NDC1: variants seen among roughly 807,000 people sequenced by gnomAD.
The protein encoded by NDC1 is NDC1 transmembrane nucleoporin.
Under a neutral mutation model 89.8 loss-of-function variants are expected in NDC1, and 24 were observed. The ratio of observed to expected loss-of-function variants is 0.27; its 90% confidence interval spans 0.19 to 0.38. The LOEUF (loss-of-function observed/expected upper bound fraction) is 0.38, where lower values mean the gene tolerates loss of function less well. NDC1 is among the 10% of genes least tolerant of loss of function. NDC1 has a pLI of 1.00. For synonymous variants in NDC1, 296 were observed against 284.8 expected, an observed-to-expected ratio of 1.04 and a Z score of -0.39; for missense variants, 728 against 797.6, an observed-to-expected ratio of 0.91 and a Z score of 1.05.
chr1:53,773,108 A>T (rs1385259102), intron 16 of NDC1, among the ~76,000 whole-genome samples: 4 of 152,080 alleles, frequency 2.6e-5, no homozygotes, highest in Admixed American at 1.3e-4. Context: ...AAAAAAAAAA[A>T]AAGACCAAAA....
intron 2 of NDC1, 149 bp from the exon 3 acceptor site, chr1:53,832,740 G>A (rs1294831105): frequency 7.2e-6 from 4 of 557,686 alleles, no homozygotes; most frequent in African/African-American, 3.8e-5. Flanking sequence ...ACCACTGACA[G>A]GTTCAATGAG....
At chr1:53,838,031 C>A (rs973048786) in intron 1 of NDC1, among the ~76,000 whole-genome samples, 174 bp downstream of exon 1, 6 of 152,248 alleles carry the variant, frequency 3.9e-5, no homozygotes, top group African/African-American at 1.4e-4. Flanking sequence ...TAACCAACTT[C>A]CACTCAGGAC....
chr1:53,776,882 T>C (rs764697132), intron 16 of NDC1, among the ~76,000 whole-genome samples: 1 of 152,170 alleles, frequency 6.6e-6, no homozygotes, highest in African/African-American at 2.4e-5. Flanking sequence ...CAAGAATAAC[T>C]AATGAGTAAT....
chr1:53,827,591 CA>C, intron 4 of NDC1, among the ~76,000 whole-genome samples: 1 of 152,284 alleles, frequency 6.6e-6, no homozygotes, highest in African/African-American at 2.4e-5. Context: ...TCATTCTTTC[CA>C]TACTACCCTT....
chr1:53,770,641 G>A (rs1284477069), intron 17 of NDC1, among the ~76,000 whole-genome samples: 1 of 151,354 alleles, frequency 6.6e-6, no homozygotes, highest in East Asian at 1.9e-4. Context: ...TTTTTAATCA[G>A]TCATCTATAT....
At chr1:53,789,548 G>A (rs1381883231) in intron 14 of NDC1, among the ~76,000 whole-genome samples, 1 of 152,196 alleles carries the variant, frequency 6.6e-6, no homozygotes, top group African/African-American at 2.4e-5. Flanking sequence ...GGGTGCAGTG[G>A]CTCATGCCTG....
chr1:53,801,214 T>A (rs1458228574), intron 10 of NDC1, among the ~76,000 whole-genome samples: 1 of 152,132 alleles, frequency 6.6e-6, no homozygotes, highest in East Asian at 1.9e-4. Flanking sequence ...CTGCTATGAC[T>A]GTGAACAATG....
chr1:53,769,676 A>C (rs927363863), intron 17 of NDC1, among the ~76,000 whole-genome samples: 2 of 152,238 alleles, frequency 1.3e-5, no homozygotes, highest in Non-Finnish European at 1.5e-5. Flanking sequence ...ATAGTGAATA[A>C]TCAGATATTA....
rs576246254 is a variant in NDC1 at position 53,800,843 on chromosome 1, G to A, written c.1072C>T (p.His358Tyr). The A allele has an allele frequency of 2.5e-6, 4 of 1,592,292 alleles. No individual in the cohort carries two copies. Among genetic ancestry groups the A allele is most frequent in the South Asian group, 1.1e-5 (1 of 87,752 alleles). The change falls in exon 11 of 18, where the codon CAT becomes TAT. Residue 358 changes from histidine to tyrosine, a missense_variant. His to Tyr is a moderately conservative substitution (Grantham distance 83, BLOSUM62 2). Coordinates refer to ENST00000371429, the MANE Select transcript of NDC1 (RefSeq NM_018087.5). The stretch of plus-strand genomic sequence containing the variant: ...GAAATGGCTGTCCAATTGTGGGGAT[G>A]TCCACCTAGGAGGTCCAAACACCAG... ...EVFSLSQPGG[H>Y]PHNWTAISRE...
At chr1:53,797,265 T>C in intron 11 of NDC1, 121 bp from the exon 12 acceptor site, 1 of 893,402 alleles carries the variant, frequency 1.1e-6, no homozygotes, top group South Asian at 1.7e-5. Flanking sequence ...GCTCAGTAGA[T>C]TGTTTCCATT....
chr1:53,780,419 A>G (rs116078972), intron 16 of NDC1, among the ~76,000 whole-genome samples: 2,547 of 152,164 alleles, frequency 0.017, 70 homozygotes, highest in African/African-American at 0.059. Flanking sequence ...ACTGACTACA[A>G]CTGTAGTTCT....
intron 4 of NDC1, among the ~76,000 whole-genome samples, chr1:53,827,394 A>T (rs1648906505): frequency 6.6e-6 from 1 of 152,168 alleles, no homozygotes; most frequent in Non-Finnish European, 1.5e-5. Flanking sequence ...CTCCTGCCTC[A>T]GCCTGCCAAG....
At chr1:53,829,289 C>T (rs751916338) in intron 3 of NDC1, among the ~76,000 whole-genome samples, 5 of 152,136 alleles carry the variant, frequency 3.3e-5, no homozygotes, top group Non-Finnish European at 7.4e-5. Flanking sequence ...CCTCTCCCTC[C>T]CAACCAGAAA....
intron 4 of NDC1, 136 bp from the exon 5 acceptor site, chr1:53,826,072 G>T: frequency 1.2e-6 from 1 of 814,050 alleles, no homozygotes; most frequent in East Asian, 2.8e-5. Context: ...AAGATGGCTC[G>T]TTTTCAGTAA....
chr1:53,807,630 A>T (rs753404744), intron 8 of NDC1, 26 bp downstream of exon 8: 1 of 1,582,326 alleles, frequency 6.3e-7, no homozygotes, highest in Non-Finnish European at 8.6e-7. Context: ...CAAAAGTATT[A>T]AGAAAAAATA....
chr1:53,776,329 C>G (rs1647162681), intron 16 of NDC1, among the ~76,000 whole-genome samples: 1 of 152,098 alleles, frequency 6.6e-6, no homozygotes, highest in Admixed American at 6.6e-5. Context: ...AATATGGCAA[C>G]CACTAGCCAC....
At chr1:53,805,448 C>G (rs1488618632) in intron 9 of NDC1, among the ~76,000 whole-genome samples, 1 of 152,188 alleles carries the variant, frequency 6.6e-6, no homozygotes, top group Admixed American at 6.5e-5. Context: ...TCAAGTGATC[C>G]TCTCACCTCG....
chr1:53,836,392 T>A (rs917136944), intron 1 of NDC1, among the ~76,000 whole-genome samples: 1 of 151,564 alleles, frequency 6.6e-6, no homozygotes, highest in African/African-American at 2.4e-5. Context: ...TATAAAAAAT[T>A]TTTTAAAAAT....
Position 53,800,737 on chromosome 1 carries a change from A to T in NDC1, c.1178T>A (p.Val393Glu). The part of the protein sequence containing the change: ...YQEAAATNGR[V>E]SSSYPVEPKK... ...AGGTTCCACTGGGTAAGATGAAGAC[A>T]CTCTCCCATTCGTAGCAGCAGCTTC... Residue 393 changes from valine (V) to glutamate (E), a missense_variant, in exon 11 of 18, where the codon GTG (valine) becomes GAG (glutamate). Val to Glu is a moderately radical substitution (Grantham distance 121). Transcript: ENST00000371429. 6.2e-7 allele frequency: 1 copy of T among 1,613,952 alleles called. No homozygotes were observed. Among genetic ancestry groups the T allele is most frequent in the Non-Finnish European group, 8.5e-7 (1 of 1,179,934 alleles).
Sources: gnomAD v4.1 joint callset for allele counts (sites outside exome capture counted in the v4.1 genomes callset) on GRCh38, gnomAD v4.1.1 for gene constraint, MANE v1.5 for transcripts, NCBI Gene and HGNC (gene_info 2026-07-23, HGNC 2026-07-21) for gene names.